Variants in REEP2 observed in about 807,000 individuals in gnomAD.
REEP2 encodes the protein receptor accessory protein 2.
REEP2 carries 9 observed loss-of-function variants against 32.1 expected under a neutral mutation model. The observed-to-expected ratio is 0.28, with a 90% confidence interval of 0.17 to 0.49. REEP2 has a LOEUF of 0.49. Among genes scored for constraint, REEP2 ranks in the 20% least tolerant of loss-of-function variants. The probability of loss-of-function intolerance (pLI) is 0.99; values close to 1 mark genes in which losing one functional copy is unlikely to be tolerated. For missense variants in REEP2, 236 were observed against 338.0 expected, an observed-to-expected ratio of 0.70 and a Z score of 2.37; for synonymous variants, 128 against 139.1, an observed-to-expected ratio of 0.92 and a Z score of 0.56.
At position 138,444,552 on chromosome 5, in the gene REEP2, A is replaced by T; in HGVS notation, c.303+17A>T. On this transcript the variant is annotated intron_variant, in intron 4 of 7. Coordinates refer to ENST00000378339, the MANE Select transcript of REEP2 (RefSeq NM_001271803.2). ...AAGGAGAAGGTTTGCCCCCACTCTC[A>T]GCTCACCTCCCAGCCTGCCCCCAGC... 2 of 1,613,312 alleles carry T rather than the reference A, an allele frequency of 1.2e-6. No homozygotes were observed. The highest frequency in any genetic ancestry group is 1.7e-6 in the Non-Finnish European group (2 of 1,179,504).
chr5:138,439,625 G>A (rs1308228821), intron 1 of REEP2: 1 of 472,618 alleles, frequency 2.1e-6, no homozygotes, highest in Non-Finnish European at 4.2e-6. Flanking sequence ...CCCTCTGGGG[G>A]AGGTAACAGG....
chr5:138,445,358 A>G lies in REEP2; in HGVS notation c.548A>G (p.Asp183Gly). ...CGACCCAGCCCTGGCAGCCTCCTGG[A>G]CACCATCGAGGACTTAGGTACAGGC... The part of the protein sequence containing the change: ...RLRPSPGSLL[D>G]TIEDLGDDPA... Residue 183 changes from aspartate to glycine, a missense_variant, in exon 6 of 8, where the codon GAC becomes GGC. Transcript: ENST00000378339. 6.2e-7 allele frequency: 1 copy of G among 1,612,980 alleles called. No individual in the cohort carries two copies. Among genetic ancestry groups the G allele is most frequent in the Non-Finnish European group, 8.5e-7 (1 of 1,179,560 alleles).
At chr5:138,444,346 G>A (rs755811104) in intron 3 of REEP2, 69 bp from the exon 4 acceptor site, 43 of 1,568,112 alleles carry the variant, frequency 2.7e-5, no homozygotes, top group South Asian at 2.3e-4. Flanking sequence ...ACATGGGGCC[G>A]GTGCTGCTGG....
chr5:138,443,230 G>A (rs2350639), intron 3 of REEP2, among the ~76,000 whole-genome samples: 3 of 151,746 alleles, frequency 2.0e-5, no homozygotes, highest in African/African-American at 7.3e-5. Context: ...GAGGCCAAGG[G>A]GGGGCAGATC....
At chr5:138,439,345 G>A (rs535120973) in intron 1 of REEP2, 105 bp downstream of exon 1, 32 of 1,212,918 alleles carry the variant, frequency 2.6e-5, no homozygotes, top group Non-Finnish European at 3.4e-5. Flanking sequence ...GTCACCTAAA[G>A]GCGCTGCGTC....
At chr5:138,442,346 A>T (rs1261009685) in intron 3 of REEP2, among the ~76,000 whole-genome samples, 1 of 152,244 alleles carries the variant, frequency 6.6e-6, no homozygotes, top group African/African-American at 2.4e-5. Context: ...AGATCATTAC[A>T]TTTATAGATA....
chr5:138,440,983 T>A, intron 1 of REEP2, 33 bp from the exon 2 acceptor site: 2 of 1,609,842 alleles, frequency 1.2e-6, no homozygotes, highest in Non-Finnish European at 1.7e-6. Context: ...TGCCCTTGGC[T>A]GAGAGGCCCA....
At chr5:138,440,924 TCCCATTACTTA>T in intron 1 of REEP2, 81 bp from the exon 2 acceptor site, 1 of 1,595,650 alleles carries the variant, frequency 6.3e-7, no homozygotes, top group Non-Finnish European at 8.5e-7. Context: ...CTGTCTCTCT[TCCCATTACTTA>T]CCCAGGGGCT....
chr5:138,444,799 A>G lies in REEP2; in HGVS notation c.349A>G (p.Thr117Ala), dbSNP rs1216447675. 1.9e-6 allele frequency: 3 copies of G among 1,613,904 alleles called. No homozygotes were observed. The African/African-American group carries it at 4.0e-5, about 22-fold the overall frequency. The stretch of plus-strand genomic sequence containing the variant: ...GCAGGCCCGAGACAAGAGCTATGAG[A>G]CCATGATGAGGGTGGGCAAGAGGGG... ...ITQARDKSYE[T>A]MMRVGKRGLN... is the part of the protein sequence containing the mutation. Residue 117 changes from threonine to alanine, a missense_variant, in exon 5 of 8, where the codon ACC becomes GCC. By Grantham distance (58) the Thr-to-Ala change is moderately conservative. Coordinates refer to ENST00000378339, the MANE Select transcript of REEP2 (RefSeq NM_001271803.2).
At position 138,441,574 on chromosome 5, in the gene REEP2, A is replaced by C; in HGVS notation, c.182+113A>C. ...GGGTGAAGCTCCTCCCATTCCTGAC[A>C]ATTTCATGGGGTCCTTGATATCTCC... On this transcript the variant is annotated intron_variant, in intron 3 of 7. Transcript: ENST00000378339. This position sits in a 1 kb window ranked among gnomAD's most constrained non-coding sequence, Gnocchi z 4.4. The C allele has an allele frequency of 1.1e-6, 1 of 879,788 alleles. No individual in the cohort carries two copies. The highest frequency in any genetic ancestry group is 1.9e-6 in the Non-Finnish European group (1 of 535,894). 54.5% of individuals were successfully genotyped at this position (879,788 alleles called of 1,614,324 possible).
chr5:138,445,217 G>T lies in REEP2; in HGVS notation c.418-11G>T. 6.3e-7 allele frequency: 1 copy of T among 1,586,986 alleles called. No individual in the cohort carries two copies. The highest frequency in any genetic ancestry group is 1.2e-5 in the South Asian group (1 of 86,932). ...CCCCCCGGCTCTCCCGGTGCGTGGT[G>T]GTGACCCTAGGGCCAGGGGGTGCTG... is the stretch of plus-strand genomic sequence containing the variant. On this transcript the variant is annotated splice_polypyrimidine_tract_variant and intron_variant, in intron 5 of 7. Coordinates refer to ENST00000378339, the MANE Select transcript of REEP2 (RefSeq NM_001271803.2).
Position 138,439,176 on chromosome 5 carries a change from G to C in REEP2, c.-33G>C. ...AGGCAGCTGCATCCTCGGCCGGGCC[G>C]GGTCCCCGCCCCGCGCCGCGCCCGG... On this transcript the variant is annotated 5_prime_UTR_variant, in exon 1 of 8. Transcript: ENST00000378339. 1 of 1,347,628 alleles carries C rather than the reference G, an allele frequency of 7.4e-7. No individual in the cohort carries two copies. Among genetic ancestry groups the C allele is most frequent in the Non-Finnish European group, 9.5e-7 (1 of 1,051,394 alleles). The allele number at this position is 1,347,628 out of a possible 1,614,324, so 83.5% of individuals were successfully genotyped here. A position where few individuals can be genotyped will look rare whatever the true frequency, so the allele number is the denominator to read the frequency against.
chr5:138,440,047 T>C (rs1162346702), intron 1 of REEP2, among the ~76,000 whole-genome samples: 1 of 152,216 alleles, frequency 6.6e-6, no homozygotes, highest in Non-Finnish European at 1.5e-5. Flanking sequence ...GGTTTGGAAG[T>C]ATCCCTCCTG....
intron 4 of REEP2, 107 bp from the exon 5 acceptor site, chr5:138,444,646 CT>C: frequency 2.6e-6 from 4 of 1,564,626 alleles, no homozygotes; most frequent in Non-Finnish European, 3.5e-6. Flanking sequence ...CCCAAAGTGA[CT>C]TGGCAGGGCT....
rs139556429 is a variant in REEP2, at chr5:138,445,508, G to T, written c.606G>T (p.Pro202=). ...PALSLRSSTN[P]ADSRTEASED... Reference sequence around the variant, plus strand: ...TGAGTCTAAGGTCCAGCACAAACCCGGCAGATTCCCGGACAGAGGCTTCTG... The same window carrying T: ...TGAGTCTAAGGTCCAGCACAAACCCTGCAGATTCCCGGACAGAGGCTTCTG... The change falls in exon 7 of 8, where the codon CCG becomes CCT. Residue 202 remains proline, a synonymous_variant. Transcript: ENST00000378339. The T allele has an allele frequency of 6.2e-7, 1 of 1,614,134 alleles. No homozygotes were observed. The highest frequency in any genetic ancestry group is 1.1e-5 in the South Asian group (1 of 91,074).
At chr5:138,445,419 G>C in intron 6 of REEP2, 44 bp downstream of exon 6, 1 of 1,613,328 alleles carries the variant, frequency 6.2e-7, no homozygotes, top group Non-Finnish European at 8.5e-7. Context: ...CAAGGGCAAG[G>C]AGTCCAGATG....
chr5:138,444,094 C>T (rs1259371030), intron 3 of REEP2, among the ~76,000 whole-genome samples: 1 of 151,898 alleles, frequency 6.6e-6, no homozygotes, highest in Non-Finnish European at 1.5e-5. Flanking sequence ...AAGAGTTTCC[C>T]TTGGTGTTGA....
intron 3 of REEP2, among the ~76,000 whole-genome samples, chr5:138,442,694 AAAAC>A (rs1238651035): frequency 3.3e-5 from 5 of 151,986 alleles, no homozygotes; most frequent in Admixed American, 6.6e-5. Context: ...TCTCTACTAA[AAAAC>A]AAAACACAAA....
chr5:138,446,060 G>A lies in REEP2; in HGVS notation c.*309G>A, dbSNP rs1464565323. 1.5e-5 allele frequency: 6 copies of A among 390,302 alleles called. No homozygotes were observed. The highest frequency in any genetic ancestry group is 1.8e-5 in the Non-Finnish European group (4 of 218,150). 24.2% of individuals were successfully genotyped at this position (390,302 alleles called of 1,614,324 possible). A position where few individuals can be genotyped will look rare whatever the true frequency, so the allele number is the denominator to read the frequency against. On this transcript the variant is annotated 3_prime_UTR_variant, in exon 8 of 8. Transcript: ENST00000378339. ...AGCCCCGCCCTGCCCCACCCACCCA[G>A]TGCCTTGCTGAAGCCCATAGCAATC...
Sources: allele counts gnomAD v4.1 joint callset (sites outside exome capture counted in the v4.1 genomes callset), GRCh38; gene constraint gnomAD v4.1.1; non-coding constraint Gnocchi (gnomAD v3.1); transcripts MANE v1.5; gene names NCBI Gene and HGNC (gene_info 2026-07-23, HGNC 2026-07-21).